The following RBPMS variants were observed in gnomAD, a reference collection of about 807,000 sequenced individuals.
RBPMS encodes the protein RNA-binding protein with multiple splicing.
RBPMS carries 7 observed loss-of-function variants against 26.8 expected under a neutral mutation model. The observed-to-expected ratio is 0.26, with a 90% confidence interval of 0.15 to 0.49. The LOEUF is 0.49. Among genes scored for constraint, RBPMS ranks in the 20% least tolerant of loss-of-function variants. RBPMS has a pLI of 0.98. For missense variants in RBPMS, 186 were observed against 250.0 expected (o/e 0.74, Z 1.73); for synonymous variants, 96 against 93.3 (o/e 1.03, Z -0.17).
intron 1 of RBPMS, among the ~76,000 whole-genome samples, chr8:30,461,953 C>CT (rs1338752792): frequency 1.3e-5 from 2 of 152,178 alleles, no homozygotes; most frequent in African/African-American, 4.8e-5. Flanking sequence ...CTTATGTAAT[C>CT]TTTAGAGATT....
intron 1 of RBPMS, among the ~76,000 whole-genome samples, chr8:30,465,545 G>A (rs933814726): frequency 1.3e-5 from 2 of 152,240 alleles, no homozygotes; most frequent in African/African-American, 4.8e-5. Flanking sequence ...CCAGCGCTTT[G>A]AGAGGCTGAG....
intron 6 of RBPMS, chr8:30,549,549 CTCCTGAT>C (rs778531506): frequency 6.2e-7 from 1 of 1,614,192 alleles, no homozygotes; most frequent in Non-Finnish European, 8.5e-7. Context: ...AGCGCTCCGT[CTCCTGAT>C]AGTGCCAGCC....
At position 30,388,644 on chromosome 8, in the gene RBPMS, C is replaced by CTAACTTA. The variant is rs375385091; in HGVS notation, c.66+3489_66+3495dup. 7.2e-3 allele frequency among the ~76,000 whole-genome samples: 1,091 copies of CTAACTTA among 150,618 alleles called. 23 individuals carry two copies. Among genetic ancestry groups the CTAACTTA allele is most frequent in the African/African-American group, 0.025 (1,019 of 40,844 alleles). On this transcript the variant is annotated intron_variant, in intron 1 of 8. Transcript: ENST00000397323. Reference sequence around the variant, plus strand: ...ATAACTTATAGCTATAGCTATAAAGCTAACTTATAGCTTGTAACTTATTTG... The same window carrying CTAACTTA: ...ATAACTTATAGCTATAGCTATAAAGCTAACTTATAACTTATAGCTTGTAACTTATTTG...
intron 6 of RBPMS, among the ~76,000 whole-genome samples, chr8:30,549,809 T>TCTC (rs56117868): frequency 0.24 from 21,650 of 89,832 alleles, 2,676 homozygotes; most frequent in East Asian, 0.3. Context: ...CTCTCTCCTC[T>TCTC]CTCTCTCTCT....
intron 4 of RBPMS, among the ~76,000 whole-genome samples, chr8:30,501,934 CCT>C (rs1233963127): frequency 6.6e-6 from 1 of 151,964 alleles, no homozygotes; most frequent in Non-Finnish European, 1.5e-5. Flanking sequence ...TTTTCCTGCC[CCT>C]CTTTTTTCTC....
intron 5 of RBPMS, among the ~76,000 whole-genome samples, chr8:30,542,742 T>C (rs535028441): frequency 4.3e-4 from 66 of 152,366 alleles, no homozygotes; most frequent in African/African-American, 1.5e-3. Context: ...TTGGTTCTGG[T>C]AGCAGTTAGT....
At chr8:30,430,117 A>G (rs1040156967) in intron 1 of RBPMS, among the ~76,000 whole-genome samples, 24 of 152,078 alleles carry the variant, frequency 1.6e-4, no homozygotes, top group Non-Finnish European at 3.1e-4. Flanking sequence ...TCTCTACAAA[A>G]ATACAGAAAT....
intron 6 of RBPMS, chr8:30,558,179 TC>T (rs1827131367): frequency 6.6e-6 from 1 of 152,320 alleles, no homozygotes; most frequent in African/African-American, 2.4e-5. Context: ...TTTCATGTTT[TC>T]CTTGGCATAG....
At chr8:30,441,863 C>T (rs925134204) in intron 1 of RBPMS, among the ~76,000 whole-genome samples, 2 of 152,190 alleles carry the variant, frequency 1.3e-5, no homozygotes, top group South Asian at 4.1e-4. Flanking sequence ...AGTCTCGGCT[C>T]ACTGCAATCT....
rs1288441534 is a variant in RBPMS, at chr8:30,556,036, T to C, written c.529-2851T>C. On this transcript the variant is annotated intron_variant, in intron 6 of 8. Coordinates refer to ENST00000397323, the MANE Select transcript of RBPMS (RefSeq NM_001008710.3). The stretch of plus-strand genomic sequence containing the variant: ...GGGGGCACTGCCCTCTGCTGGAAGC[T>C]GGGCGCAGCGGAGCCTCTCAGGCTG... 3 of 985,324 alleles carry C rather than the reference T, an allele frequency of 3.0e-6. No individual in the cohort carries two copies. The African/African-American group carries it at 5.2e-5, about 17-fold the overall frequency. 61.0% of individuals were successfully genotyped at this position (985,324 alleles called of 1,614,324 possible).
intron 1 of RBPMS, among the ~76,000 whole-genome samples, chr8:30,467,834 G>A (rs1459517438): frequency 6.6e-6 from 1 of 152,074 alleles, no homozygotes; most frequent in Admixed American, 6.5e-5. Flanking sequence ...AATACATTTG[G>A]GCTTGGATTT....
intron 1 of RBPMS, among the ~76,000 whole-genome samples, chr8:30,468,054 A>T (rs1188377066): frequency 6.6e-6 from 1 of 152,056 alleles, no homozygotes; most frequent in Non-Finnish European, 1.5e-5. Context: ...GAATATGGGC[A>T]GTTCCTGCTG....
At chr8:30,429,363 G>A (rs899742006) in intron 1 of RBPMS, among the ~76,000 whole-genome samples, 26 of 152,106 alleles carry the variant, frequency 1.7e-4, no homozygotes, top group Non-Finnish European at 4.4e-5. Context: ...GGACTCCCCA[G>A]GCAGTATTTC....
In RBPMS at chr8:30,555,967, G is replaced by A. The variant is rs115876962; in HGVS notation, c.529-2920G>A. 7.7e-4 allele frequency: 757 copies of A among 984,226 alleles called. 3 individuals are homozygous for A. In the African/African-American group the frequency reaches 9.2e-3, roughly 12 times the overall value. 61.0% of individuals were successfully genotyped at this position (984,226 alleles called of 1,614,324 possible). ...GCACCATGAGCCCTGCCGCTCTGCCGGCTGTGGTGCGGGAACCTGGATGAG... is the reference window on the plus strand; with the variant it reads ...GCACCATGAGCCCTGCCGCTCTGCCAGCTGTGGTGCGGGAACCTGGATGAG... On this transcript the variant is annotated intron_variant, in intron 6 of 8. Transcript: ENST00000397323.
At chr8:30,424,469 A>G (rs1190544899) in intron 1 of RBPMS, among the ~76,000 whole-genome samples, 1 of 152,224 alleles carries the variant, frequency 6.6e-6, no homozygotes, top group Non-Finnish European at 1.5e-5. Flanking sequence ...CAGTCGGTCA[A>G]TAAGCCCAGC....
intron 4 of RBPMS, among the ~76,000 whole-genome samples, chr8:30,480,121 C>T (rs1303426410): frequency 6.6e-6 from 1 of 152,238 alleles, no homozygotes; most frequent in Non-Finnish European, 1.5e-5. Context: ...GGTGAGGAGT[C>T]TCAGCGAAGG....
At chr8:30,489,736 C>A (rs1819186271) in intron 4 of RBPMS, among the ~76,000 whole-genome samples, 1 of 152,120 alleles carries the variant, frequency 6.6e-6, no homozygotes, top group African/African-American at 2.4e-5. Context: ...AGCCACCGTG[C>A]CTGGCTAAAG....
At chr8:30,481,698 G>A (rs531626041) in intron 4 of RBPMS, among the ~76,000 whole-genome samples, 6 of 152,262 alleles carry the variant, frequency 3.9e-5, no homozygotes, top group African/African-American at 9.6e-5. Context: ...GGGAAAATTC[G>A]TATTTACCTA....
At chr8:30,535,689 AGT>A (rs1373075775) in intron 5 of RBPMS, among the ~76,000 whole-genome samples, 2 of 152,188 alleles carry the variant, frequency 1.3e-5, no homozygotes, top group Admixed American at 1.3e-4. Flanking sequence ...CAGCCTCTGT[AGT>A]AGCTGGGATT....
Sources: gnomAD v4.1 joint callset for allele counts (sites outside exome capture counted in the v4.1 genomes callset) on GRCh38, gnomAD v4.1.1 for gene constraint, MANE v1.5 for transcripts, NCBI Gene and HGNC (gene_info 2026-07-23, HGNC 2026-07-21) for gene names.